The following LARP1 variants were observed in gnomAD, a reference collection of about 807,000 sequenced individuals.
The protein encoded by LARP1 is La ribonucleoprotein 1, translational regulator, also known as la-related protein 1.
LARP1 carries 36 observed loss-of-function variants against 122.7 expected under a neutral mutation model. The observed-to-expected ratio is 0.29, with a 90% confidence interval of 0.22 to 0.39. The LOEUF (loss-of-function observed/expected upper bound fraction) is 0.39. Among genes scored for constraint, LARP1 ranks in the 10% least tolerant of loss-of-function variants. LARP1 has a pLI of 1.00. For missense variants in LARP1, 1,040 were observed against 1,403.6 expected, an observed-to-expected ratio of 0.74 and a Z score of 4.14; for synonymous variants, 539 against 528.7, an observed-to-expected ratio of 1.02 and a Z score of -0.27.
chr5:154,768,411 C>T (rs1391965177), intron 1 of LARP1, among the ~76,000 whole-genome samples: 1 of 152,130 alleles, frequency 6.6e-6, no homozygotes, highest in Non-Finnish European at 1.5e-5. Flanking sequence ...CCTGTCAGTC[C>T]AGCCCACTGA....
chr5:154,752,237 C>A (rs75930230), upstream of LARP1, among the ~76,000 whole-genome samples: 1 of 152,018 alleles, frequency 6.6e-6, no homozygotes, highest in African/African-American at 2.4e-5. Flanking sequence ...CTTTTTCTTC[C>A]TTTTTCTTTT....
chr5:154,798,092 T>G (rs1320929950), intron 8 of LARP1, among the ~76,000 whole-genome samples: 1 of 152,264 alleles, frequency 6.6e-6, no homozygotes, highest in Non-Finnish European at 1.5e-5. Context: ...TAAATTGATA[T>G]ATATATTAGT....
At chr5:154,796,794 A>G (rs1433776236) in intron 8 of LARP1, among the ~76,000 whole-genome samples, 1 of 152,218 alleles carries the variant, frequency 6.6e-6, no homozygotes, top group Non-Finnish European at 1.5e-5. Flanking sequence ...CAAGAGGTAT[A>G]GTTTGTTCAG....
In LARP1 at chr5:154,795,889, T is replaced by G. The variant is rs556731392; in HGVS notation, c.1377+570T>G. On this transcript the variant is annotated intron_variant, in intron 8 of 18. Coordinates refer to ENST00000518297, the MANE Select transcript of LARP1 (RefSeq NM_033551.3). ...CATTTATATATAAAATATACATTTA[T>G]ATATATTTATATATTATATATTTAT... Among the ~76,000 whole-genome samples the G allele has an allele frequency of 2.7e-4, 35 of 128,846 alleles. 1 individual carries two copies. The South Asian group carries it at 7.2e-3, about 26-fold the overall frequency. 84.5% of individuals were successfully genotyped at this position (128,846 alleles called of 152,430 possible).
At chr5:154,762,250 A>G (rs371073851) in intron 1 of LARP1, among the ~76,000 whole-genome samples, 3 of 152,192 alleles carry the variant, frequency 2.0e-5, no homozygotes, top group East Asian at 1.9e-4. Context: ...TCTCAAAACA[A>G]AACAAAAAAA....
In LARP1 at chr5:154,814,654, C is replaced by T. The variant is rs545812817; in HGVS notation, c.*558C>T. 6.5e-5 allele frequency: 10 copies of T among 152,672 alleles called. No individual in the cohort carries two copies. The highest frequency in any genetic ancestry group is 2.2e-4 in the African/African-American group (9 of 41,532). 9.5% of individuals were successfully genotyped at this position (152,672 alleles called of 1,614,324 possible). ...TCACCATATTTTCTCCCTGCTGTTC[C>T]CACCATGCCCTTCTGCCATCTTCTG... On this transcript the variant is annotated 3_prime_UTR_variant, in exon 19 of 19. Transcript: ENST00000518297.
At chr5:154,812,903 A>G (rs1759402121) in intron 18 of LARP1, among the ~76,000 whole-genome samples, 1 of 152,096 alleles carries the variant, frequency 6.6e-6, no homozygotes, top group African/African-American at 2.4e-5. Flanking sequence ...CCCATGATGC[A>G]ATTATCTCCA....
At chr5:154,729,640 C>T (rs867555423) in intron 1 of LARP1, 2 of 409,390 alleles carry the variant, frequency 4.9e-6, no homozygotes, top group Admixed American at 2.9e-5. Context: ...TTTGTGAGAA[C>T]CAATGAATAG....
intron 10 of LARP1, among the ~76,000 whole-genome samples, chr5:154,801,438 C>T (rs1223918929): frequency 6.6e-6 from 1 of 152,186 alleles, no homozygotes; most frequent in South Asian, 2.1e-4. Context: ...TTGACTTTCT[C>T]CCATTGAGCT....
At chr5:154,813,702 T>A (rs1215292586) in intron 18 of LARP1, among the ~76,000 whole-genome samples, 185 bp from the exon 19 acceptor site, 1 of 152,074 alleles carries the variant, frequency 6.6e-6, no homozygotes, top group African/African-American at 2.4e-5. Flanking sequence ...CATGAGAGAG[T>A]GTGCATAAAA....
chr5:154,803,354 C>T lies in LARP1; in HGVS notation c.2174C>T (p.Pro725Leu). The change falls in exon 12 of 19, where the codon CCT (proline) becomes CTT (leucine). Residue 725 changes from proline to leucine, a missense_variant. This residue lies in a region of LARP1 where 362 missense variants were observed against 533.1 expected (regional missense o/e 0.68). Coordinates refer to ENST00000518297, the MANE Select transcript of LARP1 (RefSeq NM_033551.3). This position sits in a 1 kb window ranked among gnomAD's most constrained non-coding sequence, Gnocchi z 4.4. ...ISREQFDTLTPEPPVDPNQEV... is the reference protein window; with the variant it reads ...ISREQFDTLTLEPPVDPNQEV... ...CGGGAGCAGTTTGACACACTGACCC[C>T]TGAGCCCCCTGTGGATCCCAACCAG... 1.9e-6 allele frequency: 3 copies of T among 1,614,184 alleles called. No homozygotes were observed. Among genetic ancestry groups the T allele is most frequent in the Non-Finnish European group, 2.5e-6 (3 of 1,180,040 alleles).
rs759721315 is a variant in LARP1, at chr5:154,813,898, T to C, written c.3093T>C (p.Gly1031=). 1.2e-6 allele frequency: 2 copies of C among 1,613,212 alleles called. No homozygotes were observed. The highest frequency in any genetic ancestry group is 2.2e-5 in the South Asian group (2 of 91,048). The change falls in exon 19 of 19, where the codon GGT becomes GGC. Residue 1031 remains glycine (G), a synonymous_variant. Transcript: ENST00000518297. ...TTCCTCTGTTGCAGCCCCCCATGGG[T>C]GAGGAGGGCAACCACAAGCGACACT... The part of the protein sequence containing the change: ...LEDFRVDPPM[G]EEGNHKRHSV...
chr5:154,744,580 A>G (rs1488087682), intron 1 of LARP1, among the ~76,000 whole-genome samples: 4 of 146,064 alleles, frequency 2.7e-5, no homozygotes, highest in African/African-American at 7.6e-5. Context: ...CAACAGCTGG[A>G]ATATTATCTG....
chr5:154,777,203 T>C (rs1195034555), intron 1 of LARP1, among the ~76,000 whole-genome samples: 1 of 152,098 alleles, frequency 6.6e-6, no homozygotes, highest in Non-Finnish European at 1.5e-5. Flanking sequence ...TATCTAAACA[T>C]AGAAAAAGTA....
At chr5:154,773,836 A>C (rs886829094) in intron 1 of LARP1, among the ~76,000 whole-genome samples, 1 of 152,186 alleles carries the variant, frequency 6.6e-6, no homozygotes, top group Non-Finnish European at 1.5e-5. Context: ...GGGGAGAACA[A>C]ATGTGGATAG....
intron 1 of LARP1, among the ~76,000 whole-genome samples, chr5:154,693,778 C>T (rs541882292): frequency 1.3e-5 from 2 of 151,486 alleles, no homozygotes; most frequent in Non-Finnish European, 2.9e-5. Context: ...ACGGCGTGAA[C>T]TGGAGAGGCG....
At chr5:154,716,126 T>A (rs1755490903) in intron 1 of LARP1, among the ~76,000 whole-genome samples, 1 of 152,140 alleles carries the variant, frequency 6.6e-6, no homozygotes. Flanking sequence ...TTACTATTTT[T>A]TGTTTCTTTT....
rs1561621000 is a variant in LARP1 at position 154,799,582 on chromosome 5, C to G, written c.1378-9C>G. ...TTCTTAATCCCCTCTTCCTTCTCCT[C>G]CCCTTCAGGCCCTAAAGGACAGCAA... On this transcript the variant is annotated splice_polypyrimidine_tract_variant and intron_variant, in intron 8 of 18. Transcript: ENST00000518297. 6.2e-7 allele frequency: 1 copy of G among 1,613,230 alleles called. No individual in the cohort carries two copies. Among genetic ancestry groups the G allele is most frequent in the Non-Finnish European group, 8.5e-7 (1 of 1,179,256 alleles).
chr5:154,757,496 A>C (rs1474969066), intron 1 of LARP1, among the ~76,000 whole-genome samples: 2 of 151,684 alleles, frequency 1.3e-5, no homozygotes, highest in Non-Finnish European at 2.9e-5. Context: ...GGTCGGTTTT[A>C]AAATTGTCTT....
Sources: allele counts gnomAD v4.1 joint callset (sites outside exome capture counted in the v4.1 genomes callset), GRCh38; gene constraint gnomAD v4.1.1; regional missense constraint gnomAD v4.1.1; non-coding constraint Gnocchi (gnomAD v3.1); transcripts MANE v1.5; gene names NCBI Gene and HGNC (gene_info 2026-07-23, HGNC 2026-07-21).